The following CFAP97 variants were observed in gnomAD, a reference collection of about 807,000 sequenced individuals.
The protein encoded by CFAP97 is cilia and flagella associated protein 97, also known as cilia- and flagella-associated protein 97.
In CFAP97, 36 loss-of-function variants were observed where a neutral mutation model predicts 43.1. That is an observed-to-expected ratio of 0.84 (90% CI 0.64 to 1.10). The LOEUF (loss-of-function observed/expected upper bound fraction) is 1.10. Among genes scored for constraint, CFAP97 ranks in the 50% least tolerant of loss-of-function variants. CFAP97 has a pLI of 0.00. For missense variants in CFAP97, 657 were observed against 620.3 expected (o/e 1.06, Z -0.63); for synonymous variants, 228 against 225.7 (o/e 1.01, Z -0.09).
chr4:185,186,962 T>C (rs995693133), intron 2 of CFAP97, among the ~76,000 whole-genome samples: 5 of 152,232 alleles, frequency 3.3e-5, no homozygotes, highest in African/African-American at 9.6e-5. Flanking sequence ...TGCAGCCTGC[T>C]GTCTGTCAAC....
chr4:185,190,447 A>G lies in CFAP97; in HGVS notation c.750T>C (p.Asp250=), dbSNP rs951042422. The change falls in exon 2 of 5, where the codon GAT becomes GAC. Residue 250 remains aspartate (D), a synonymous_variant. Transcript: ENST00000458385. The part of the protein sequence containing the change: ...KCGHYPEESE[D]TVTDVSPLST... ...ATAAGGGACTTACGTCAGTCACAGT[A>G]TCTTCAGACTCCTCAGGGTAGTGGC... The G allele has an allele frequency of 6.2e-7, 1 of 1,613,798 alleles. No homozygotes were observed. The highest frequency in any genetic ancestry group is 1.7e-5 in the Admixed American group (1 of 59,990).
chr4:185,193,830 G>A (rs887519593), intron 1 of CFAP97, among the ~76,000 whole-genome samples: 1 of 151,986 alleles, frequency 6.6e-6, no homozygotes, highest in East Asian at 1.9e-4. Flanking sequence ...AGAGGCTGCA[G>A]TGAGCTGAGA....
At chr4:185,185,793 C>G (rs375651743) in intron 2 of CFAP97, among the ~76,000 whole-genome samples, 42 of 152,084 alleles carry the variant, frequency 2.8e-4, no homozygotes, top group Middle Eastern at 3.4e-3. Flanking sequence ...GCACACACCA[C>G]CATGCCTAGC....
At chr4:185,208,566 A>G (rs1015347635), upstream of CFAP97, among the ~76,000 whole-genome samples, 1 of 151,842 alleles carries the variant, frequency 6.6e-6, no homozygotes, top group African/African-American at 2.4e-5. Flanking sequence ...CGTCTCTACT[A>G]AAAATACAAA....
chr4:185,167,192 T>A (rs1323086725), intron 3 of CFAP97, among the ~76,000 whole-genome samples: 3 of 152,098 alleles, frequency 2.0e-5, no homozygotes, highest in Non-Finnish European at 4.4e-5. Context: ...TCAGGCTGGG[T>A]GCAGTGGCTT....
chr4:185,187,175 A>G (rs968497436), intron 2 of CFAP97, among the ~76,000 whole-genome samples: 1 of 152,228 alleles, frequency 6.6e-6, no homozygotes, highest in Admixed American at 6.5e-5. Flanking sequence ...GGATGCACAG[A>G]CTTATTCTAT....
At chr4:185,187,225 T>C (rs926210985) in intron 2 of CFAP97, among the ~76,000 whole-genome samples, 1 of 152,152 alleles carries the variant, frequency 6.6e-6, no homozygotes, top group African/African-American at 2.4e-5. Flanking sequence ...TGGGCAACTG[T>C]TATAAAATGA....
At chr4:185,167,678 T>A (rs910725098) in intron 3 of CFAP97, among the ~76,000 whole-genome samples, 1 of 152,014 alleles carries the variant, frequency 6.6e-6, no homozygotes, top group African/African-American at 2.4e-5. Flanking sequence ...CTAAAGTGCT[T>A]AAAATAGTGC....
intron 3 of CFAP97, among the ~76,000 whole-genome samples, chr4:185,171,666 C>T (rs1310611091): frequency 6.6e-6 from 1 of 152,158 alleles, no homozygotes; most frequent in Admixed American, 6.6e-5. Context: ...TTCTTATGCT[C>T]ATTCGGAAAA....
chr4:185,185,196 G>C (rs1027987482), intron 2 of CFAP97, among the ~76,000 whole-genome samples: 2 of 151,900 alleles, frequency 1.3e-5, no homozygotes, highest in East Asian at 1.9e-4. Flanking sequence ...TGCTGGCAGT[G>C]AGCTGTACTT....
chr4:185,206,623 C>T (rs1385643356), upstream of CFAP97, among the ~76,000 whole-genome samples: 3 of 142,536 alleles, frequency 2.1e-5, no homozygotes, highest in South Asian at 2.2e-4. Flanking sequence ...TGCGCCATTG[C>T]ACTCCAGCCT....
chr4:185,160,856 ATCT>A lies in CFAP97; in HGVS notation c.*1939_*1941del, dbSNP rs1241771710. On this transcript the variant is annotated 3_prime_UTR_variant, in exon 5 of 5. Coordinates refer to ENST00000458385, the MANE Select transcript of CFAP97 (RefSeq NM_020827.3). ...ATATAATCTTTATATATATATAAAA[ATCT>A]TTTTTAAAAGATTTTTAAAATAAAA... The A allele has an allele frequency of 1.4e-5, 2 of 147,150 alleles. No individual in the cohort carries two copies. Among genetic ancestry groups the A allele is most frequent in the Non-Finnish European group, 3.0e-5 (2 of 66,668 alleles). 9.1% of individuals were successfully genotyped at this position (147,150 alleles called of 1,614,324 possible).
chr4:185,183,230 C>T (rs1735872637), intron 2 of CFAP97, among the ~76,000 whole-genome samples: 1 of 152,292 alleles, frequency 6.6e-6, no homozygotes, highest in South Asian at 2.1e-4. Context: ...TATTCACTAC[C>T]TTAAGCAGTA....
chr4:185,200,272 G>T (rs1736762407), intron 1 of CFAP97, among the ~76,000 whole-genome samples: 1 of 152,200 alleles, frequency 6.6e-6, no homozygotes. Context: ...AAGGCAGGAG[G>T]ACCAGTTGAG....
rs1232448976 is a variant in CFAP97, at chr4:185,159,813, T to C, written c.*2985A>G. ...CTCATAGAAATAAAGAAGCCATAAC[T>C]GTTAAGCACATTTTCTAAGATTGTA... On this transcript the variant is annotated 3_prime_UTR_variant, in exon 5 of 5. Transcript: ENST00000458385. The C allele has an allele frequency of 2.0e-5, 3 of 152,256 alleles. No individual in the cohort carries two copies. Among genetic ancestry groups the C allele is most frequent in the Admixed American group, 2.0e-4 (3 of 15,282 alleles). The allele number at this position is 152,256 out of a possible 1,614,324, so 9.4% of individuals were successfully genotyped here.
chr4:185,187,016 T>A (rs778057333), intron 2 of CFAP97, among the ~76,000 whole-genome samples: 1 of 152,100 alleles, frequency 6.6e-6, no homozygotes, highest in Non-Finnish European at 1.5e-5. Context: ...CTAGCTTAAC[T>A]AATGAACACA....
At chr4:185,163,986 T>A in intron 4 of CFAP97, 43 bp downstream of exon 4, 1 of 1,556,100 alleles carries the variant, frequency 6.4e-7, no homozygotes, top group Admixed American at 1.8e-5. Flanking sequence ...AAAAAAAGGA[T>A]ACAAGATACA....
intron 1 of CFAP97, among the ~76,000 whole-genome samples, chr4:185,195,185 A>G (rs899255558): frequency 6.6e-6 from 1 of 152,224 alleles, no homozygotes; most frequent in African/African-American, 2.4e-5. Context: ...CTGAATAAAA[A>G]AGCAGAATTT....
chr4:185,170,249 G>A (rs1475480144), intron 3 of CFAP97: 1 of 651,220 alleles, frequency 1.5e-6, no homozygotes, highest in South Asian at 1.7e-5. Flanking sequence ...GGGAGGCCGA[G>A]GCAGGAGAAT....
Sources: gnomAD v4.1 joint callset for allele counts (sites outside exome capture counted in the v4.1 genomes callset) on GRCh38, gnomAD v4.1.1 for gene constraint, MANE v1.5 for transcripts, NCBI Gene and HGNC (gene_info 2026-07-23, HGNC 2026-07-21) for gene names.